The following CFAP107 variants were observed in gnomAD, a reference collection of about 807,000 sequenced individuals.
CFAP107 encodes the protein cilia- and flagella-associated protein 107.
At chr1:12,763,028 A>C in the CFAP107 span, 1 of 152,064 alleles carries the variant, frequency 6.6e-6, no homozygotes, top group African/African-American at 2.4e-5. Flanking sequence ...CTCTATTAAA[A>C]ATACAAAAAT....
At chr1:12,760,912 G>A in the CFAP107 span, 5 of 1,613,576 alleles carry the variant, frequency 3.1e-6, no homozygotes, top group South Asian at 2.2e-5. Flanking sequence ...ATGCGGTCCC[G>A]GTCCCTCCCC....
the CFAP107 span, chr1:12,746,378 G>A: frequency 2.1e-5 from 30 of 1,450,286 alleles, no homozygotes; most frequent in Middle Eastern, 3.5e-4. Flanking sequence ...TCCTCTCCCC[G>A]CCTGAAGCCT....
At chr1:12,761,702 A>G in the CFAP107 span, 1 of 151,954 alleles carries the variant, frequency 6.6e-6, no homozygotes, top group Non-Finnish European at 1.5e-5. Flanking sequence ...ACGCCTGGCT[A>G]ATTTTTGTAT....
the CFAP107 span, chr1:12,759,256 C>T: frequency 6.3e-7 from 1 of 1,577,858 alleles, no homozygotes; most frequent in South Asian, 1.1e-5. Context: ...CCACCATGGC[C>T]AGGTGGATGC....
the CFAP107 span, among the ~76,000 whole-genome samples, chr1:12,757,426 G>C: frequency 6.7e-6 from 1 of 148,574 alleles, no homozygotes; most frequent in African/African-American, 2.5e-5. Context: ...CTGTCCCCCA[G>C]GCTAGAGTGC....
chr1:12,751,701 A>G, the CFAP107 span, among the ~76,000 whole-genome samples: 2,569 of 152,332 alleles, frequency 0.017, 40 homozygotes, highest in East Asian at 0.065. Context: ...ACAAATGATT[A>G]TCTATATTGA....
the CFAP107 span, among the ~76,000 whole-genome samples, chr1:12,751,320 G>GA: frequency 2.0e-5 from 3 of 152,186 alleles, no homozygotes; most frequent in Admixed American, 6.5e-5. Flanking sequence ...GAAAACAACA[G>GA]AAAAAATCAA....
the CFAP107 span, among the ~76,000 whole-genome samples, chr1:12,749,208 C>CCCT: frequency 6.6e-6 from 1 of 152,118 alleles, no homozygotes; most frequent in Admixed American, 6.5e-5. Context: ...TCTAAAGAGA[C>CCCT]CCTCATTGAA....
the CFAP107 span, among the ~76,000 whole-genome samples, chr1:12,758,044 G>A: frequency 6.6e-6 from 1 of 152,072 alleles, no homozygotes; most frequent in Non-Finnish European, 1.5e-5. Flanking sequence ...TCCTAAACTT[G>A]TCCACCGTGC....
the CFAP107 span, among the ~76,000 whole-genome samples, chr1:12,757,385 CTTTTCT>C: frequency 2.6e-5 from 3 of 117,154 alleles, no homozygotes; most frequent in Non-Finnish European, 5.4e-5. Context: ...TCCTTTTTTT[CTTTTCT>C]TTTTTTTTGA....
chr1:12,752,657 T>C, the CFAP107 span, among the ~76,000 whole-genome samples: 2 of 151,084 alleles, frequency 1.3e-5, no homozygotes, highest in Non-Finnish European at 2.9e-5. Context: ...AGAAAAAGCA[T>C]TGTGCAAAAT....
chr1:12,750,658 A>G, the CFAP107 span, among the ~76,000 whole-genome samples: 1 of 152,318 alleles, frequency 6.6e-6, no homozygotes, highest in Admixed American at 6.5e-5. Context: ...AAAAGGGCCA[A>G]TTCACCAAGA....
the CFAP107 span, among the ~76,000 whole-genome samples, chr1:12,760,402 A>T: frequency 6.6e-6 from 1 of 152,168 alleles, no homozygotes; most frequent in African/African-American, 2.4e-5. Flanking sequence ...TTACTTTTGC[A>T]TGGGATTCTT....
the CFAP107 span, chr1:12,759,620 A>G: frequency 2.0e-6 from 2 of 1,003,234 alleles, no homozygotes; most frequent in Non-Finnish European, 1.5e-6. Context: ...ATGACATAGT[A>G]GGGGCTGAGT....
the CFAP107 span, chr1:12,762,357 T>G: frequency 7.2e-6 from 1 of 139,722 alleles, no homozygotes; most frequent in South Asian, 2.3e-4. Context: ...AGCCAGGGGG[T>G]GCAGAAAGGT....
chr1:12,760,301 G>A, the CFAP107 span, among the ~76,000 whole-genome samples: 1 of 152,210 alleles, frequency 6.6e-6, no homozygotes, highest in African/African-American at 2.4e-5. Flanking sequence ...GTCCACACTA[G>A]TGAGGACACA....
At chr1:12,755,584 G>A in the CFAP107 span, 2 of 736,502 alleles carry the variant, frequency 2.7e-6, no homozygotes, top group Non-Finnish European at 4.9e-6. Flanking sequence ...GGTGTCCAGG[G>A]GTTTATATTT....
the CFAP107 span, among the ~76,000 whole-genome samples, chr1:12,751,558 C>T: frequency 4.6e-5 from 7 of 151,986 alleles, no homozygotes; most frequent in South Asian, 2.1e-4. Flanking sequence ...ACCTGGGAGG[C>T]GGAGGTTTCA....
the CFAP107 span, among the ~76,000 whole-genome samples, chr1:12,756,495 C>T: frequency 6.6e-6 from 1 of 152,354 alleles, no homozygotes; most frequent in Non-Finnish European, 1.5e-5. Context: ...GTGGGTAGCT[C>T]CCAGCAGGCA....
Sources: gnomAD v4.1 joint callset for allele counts (sites outside exome capture counted in the v4.1 genomes callset) on GRCh38, gnomAD v4.1.1 for gene constraint, MANE v1.5 for transcripts, NCBI Gene and HGNC (gene_info 2026-07-23, HGNC 2026-07-21) for gene names.